Variants in MSH3 observed in about 807,000 individuals in gnomAD.
The protein encoded by MSH3 is mutS homolog 3.
A neutral mutation model predicts 123.3 loss-of-function variants in MSH3; 106 were observed. The ratio of observed to expected loss-of-function variants is 0.86; its 90% CI spans 0.73 to 1.01. The LOEUF (loss-of-function observed/expected upper bound fraction) is 1.01, where lower values mean the gene tolerates loss of function less well. MSH3 is among the 50% of genes least tolerant of loss of function. The probability of loss-of-function intolerance (pLI) is 0.00; values close to 1 mark genes in which losing one functional copy is unlikely to be tolerated. For missense variants in MSH3, 1,459 were observed against 1,347.6 expected (o/e 1.08, Z -1.29); for synonymous variants, 515 against 481.4 (o/e 1.07, Z -0.91).
At chr5:80,756,386 C>G (rs1403949778) in intron 12 of MSH3, among the ~76,000 whole-genome samples, 1 of 152,176 alleles carries the variant, frequency 6.6e-6, no homozygotes, top group Non-Finnish European at 1.5e-5. Flanking sequence ...TGTTTCTTCT[C>G]TGGATTTTTG....
At chr5:80,779,705 C>T (rs1024045674) in intron 17 of MSH3, among the ~76,000 whole-genome samples, 1 of 151,518 alleles carries the variant, frequency 6.6e-6, no homozygotes. Flanking sequence ...ACTACAGGCG[C>T]ACACCGCCAC....
Position 80,654,946 on chromosome 5 carries a change from C to T in MSH3, c.219C>T (p.Pro73=), listed in dbSNP as rs778136308. 8.1e-6 allele frequency: 12 copies of T among 1,475,370 alleles called. 1 individual carries two copies. In the South Asian group the frequency reaches 1.4e-4, roughly 18 times the overall value. The allele number at this position is 1,475,370 out of a possible 1,614,324, so 91.4% of individuals were successfully genotyped here. Residue 73 remains proline (P), a synonymous_variant, in exon 1 of 24, where the codon CCC becomes CCT. Coordinates refer to ENST00000265081, the MANE Select transcript of MSH3 (RefSeq NM_002439.5). ...PPAPPAPAFP[P]QLPPHIATEI... ...CGCCCCCAGCTCCCGCCTTCCCGCC[C>T]CAGCTGCCGCCGCACATAGTAGGTT...
At chr5:80,829,640 A>C (rs1264497773) in intron 20 of MSH3, among the ~76,000 whole-genome samples, 1 of 152,082 alleles carries the variant, frequency 6.6e-6, no homozygotes, top group Non-Finnish European at 1.5e-5. Context: ...CATTTTGCTA[A>C]TATTTTATTG....
chr5:80,661,175 G>T (rs889096610), intron 2 of MSH3, among the ~76,000 whole-genome samples: 11 of 152,114 alleles, frequency 7.2e-5, no homozygotes, highest in Non-Finnish European at 1.5e-4. Flanking sequence ...TCTCGAGTCT[G>T]TGGGTTTATA....
At chr5:80,867,987 A>T (rs1746134973) in intron 22 of MSH3, among the ~76,000 whole-genome samples, 1 of 152,122 alleles carries the variant, frequency 6.6e-6, no homozygotes. Context: ...TAGTCATGAA[A>T]TCTTTGCCCG....
At chr5:80,661,001 G>C (rs2112805902) in intron 2 of MSH3, among the ~76,000 whole-genome samples, 1 of 152,302 alleles carries the variant, frequency 6.6e-6, no homozygotes, top group East Asian at 1.9e-4. Flanking sequence ...GTTTCACCAT[G>C]TTGGCCATGT....
intron 17 of MSH3, among the ~76,000 whole-genome samples, chr5:80,786,144 A>ATAAT (rs529906472): frequency 6.6e-6 from 1 of 151,982 alleles, no homozygotes. Flanking sequence ...AAGTATAATA[A>ATAAT]TAATTAATTA....
At chr5:80,665,441 T>C in intron 3 of MSH3, 78 bp downstream of exon 3, 2 of 1,059,526 alleles carry the variant, frequency 1.9e-6, no homozygotes, top group Non-Finnish European at 2.8e-6. Flanking sequence ...TCTGAGGTCA[T>C]TCATGGCAAT....
At chr5:80,761,445 C>T (rs1177159434) in intron 12 of MSH3, 101 bp from the exon 13 acceptor site, 2 of 1,421,566 alleles carry the variant, frequency 1.4e-6, no homozygotes, top group African/African-American at 1.4e-5. Context: ...TCCTTTGTGC[C>T]TAATAAGTGG....
chr5:80,675,237 A>G (rs1749814850), intron 7 of MSH3, 109 bp downstream of exon 7: 2 of 1,213,198 alleles, frequency 1.6e-6, no homozygotes, highest in African/African-American at 1.5e-5. Flanking sequence ...GTACCTTCAG[A>G]TAATTATACA....
chr5:80,737,911 T>C (rs932725196), intron 10 of MSH3, among the ~76,000 whole-genome samples: 29 of 152,118 alleles, frequency 1.9e-4, no homozygotes, highest in African/African-American at 6.8e-4. Context: ...AATGTAGATA[T>C]CAGTTTAAAA....
intron 22 of MSH3, among the ~76,000 whole-genome samples, chr5:80,866,857 T>A (rs1004068164): frequency 3.3e-5 from 5 of 152,230 alleles, no homozygotes; most frequent in African/African-American, 9.6e-5. Flanking sequence ...GAATTGACTG[T>A]CCTCATTTTT....
At chr5:80,748,612 A>C (rs1345494485) in intron 12 of MSH3, among the ~76,000 whole-genome samples, 1 of 152,068 alleles carries the variant, frequency 6.6e-6, no homozygotes, top group African/African-American at 2.4e-5. Flanking sequence ...TTTTAAAATT[A>C]GATTATATCG....
intron 23 of MSH3, among the ~76,000 whole-genome samples, chr5:80,874,875 T>G (rs1746279123): frequency 6.6e-6 from 1 of 152,220 alleles, no homozygotes; most frequent in Admixed American, 6.5e-5. Context: ...ATGAGAGAAT[T>G]ATTAGAAGAC....
chr5:80,857,175 G>C (rs1745933888), intron 21 of MSH3, among the ~76,000 whole-genome samples: 1 of 152,080 alleles, frequency 6.6e-6, no homozygotes, highest in African/African-American at 2.4e-5. Context: ...TTCTTCTTTA[G>C]CCTGTTGATG....
rs1193278522 is a variant in MSH3, at chr5:80,654,657, C to T, written c.-71C>T. 2 of 1,475,122 alleles carry T rather than the reference C, an allele frequency of 1.4e-6. No individual in the cohort carries two copies. Among genetic ancestry groups the T allele is most frequent in the Non-Finnish European group, 1.8e-6 (2 of 1,090,112 alleles). The allele number at this position is 1,475,122 out of a possible 1,614,324, so 91.4% of individuals were successfully genotyped here. A position where few individuals can be genotyped will look rare whatever the true frequency, so the allele number is the denominator to read the frequency against. On this transcript the variant is annotated 5_prime_UTR_variant, in exon 1 of 24. Coordinates refer to ENST00000265081, the MANE Select transcript of MSH3 (RefSeq NM_002439.5). ...CGCGGCGTGCTCGCGCCCGCAGACG[C>T]CTGGGAACTGCGGCCGCGGGCTCGC...
intron 20 of MSH3, among the ~76,000 whole-genome samples, chr5:80,852,315 G>A (rs1745843814): frequency 6.6e-6 from 1 of 152,220 alleles, no homozygotes; most frequent in Non-Finnish European, 1.5e-5. Flanking sequence ...GACAGATCAA[G>A]AGCCTGTCTC....
In MSH3 at chr5:80,854,148, T is replaced by C. The variant is rs1242145135; in HGVS notation, c.2832T>C (p.Asn944=). The C allele has an allele frequency of 1.2e-6, 2 of 1,613,312 alleles. No homozygotes were observed. The highest frequency in any genetic ancestry group is 1.7e-6 in the Non-Finnish European group (2 of 1,179,502). The change falls in exon 21 of 24, where the codon AAT becomes AAC. Residue 944 remains asparagine, a synonymous_variant. Coordinates refer to ENST00000265081, the MANE Select transcript of MSH3 (RefSeq NM_002439.5). The part of the protein sequence containing the change: ...GIFTRMGAAD[N]IYKGQSTFME... ...CTTGTAGGATGGGTGCTGCAGACAATATATATAAAGGACAGAGTACATTTA... is the reference window on the plus strand; with the variant it reads ...CTTGTAGGATGGGTGCTGCAGACAACATATATAAAGGACAGAGTACATTTA...
At chr5:80,698,897 A>G (rs1053231162) in intron 8 of MSH3, among the ~76,000 whole-genome samples, 2 of 152,210 alleles carry the variant, frequency 1.3e-5, no homozygotes, top group African/African-American at 4.8e-5. Flanking sequence ...ACATGTATAC[A>G]TATGTAACAA....
Sources: allele counts gnomAD v4.1 joint callset (sites outside exome capture counted in the v4.1 genomes callset), GRCh38; gene constraint gnomAD v4.1.1; transcripts MANE v1.5; gene names NCBI Gene and HGNC (gene_info 2026-07-23, HGNC 2026-07-21).